Variants in NKAIN2 observed in about 807,000 individuals in gnomAD.
NKAIN2 encodes the protein sodium/potassium-transporting ATPase subunit beta-1-interacting protein 2.
Under a neutral mutation model 32.6 loss-of-function variants are expected in NKAIN2, and 14 were observed. The observed-to-expected ratio is 0.43, with a 90% confidence interval of 0.28 to 0.67. The LOEUF is 0.67. Ranked by LOEUF, NKAIN2 falls within the 30% of genes least tolerant of loss-of-function variation. The probability of loss-of-function intolerance (pLI) is 0.17; values close to 1 mark genes in which losing one functional copy is unlikely to be tolerated. For synonymous variants in NKAIN2, 80 were observed against 87.2 expected, an observed-to-expected ratio of 0.92 and a Z score of 0.46; for missense variants, 198 against 258.3, an observed-to-expected ratio of 0.77 and a Z score of 1.60.
intron 1 of NKAIN2, among the ~76,000 whole-genome samples, chr6:123,902,107 G>A (rs1318820862): frequency 6.6e-6 from 1 of 152,130 alleles, no homozygotes; most frequent in Non-Finnish European, 1.5e-5. Flanking sequence ...TTTAAATATT[G>A]AAGGGCATAA....
chr6:124,441,716 A>G (rs1207836485), intron 3 of NKAIN2, among the ~76,000 whole-genome samples: 1 of 152,076 alleles, frequency 6.6e-6, no homozygotes, highest in Non-Finnish European at 1.5e-5. Flanking sequence ...AGTGTTGCTG[A>G]TTTATGAGCA....
At chr6:124,613,574 C>T (rs1193153966) in intron 3 of NKAIN2, among the ~76,000 whole-genome samples, 3 of 152,036 alleles carry the variant, frequency 2.0e-5, no homozygotes, top group Admixed American at 6.6e-5. Flanking sequence ...TCTCATATGC[C>T]ATTTAGAACA....
At chr6:124,006,369 G>A (rs1780074340) in intron 1 of NKAIN2, among the ~76,000 whole-genome samples, 1 of 152,164 alleles carries the variant, frequency 6.6e-6, no homozygotes, top group Non-Finnish European at 1.5e-5. Flanking sequence ...AAAAAAGCTG[G>A]TATGCCAAAT....
At chr6:124,385,229 A>G (rs944724244) in intron 3 of NKAIN2, among the ~76,000 whole-genome samples, 7 of 152,162 alleles carry the variant, frequency 4.6e-5, no homozygotes, top group African/African-American at 7.2e-5. Flanking sequence ...TTAAAGGCCA[A>G]TTGGAGGGCA....
At chr6:124,402,741 A>G (rs1199622385) in intron 3 of NKAIN2, among the ~76,000 whole-genome samples, 1 of 152,164 alleles carries the variant, frequency 6.6e-6, no homozygotes, top group Non-Finnish European at 1.5e-5. Context: ...TATAAGTGGG[A>G]GCTAAATATT....
intron 2 of NKAIN2, among the ~76,000 whole-genome samples, chr6:124,287,347 A>G (rs1479459594): frequency 6.6e-6 from 1 of 152,192 alleles, no homozygotes; most frequent in Non-Finnish European, 1.5e-5. Flanking sequence ...CCTCCCACAC[A>G]AAAAAGTATG....
chr6:123,868,164 A>G lies in NKAIN2; in HGVS notation c.54+63910A>G, dbSNP rs1032457278. The stretch of plus-strand genomic sequence containing the variant: ...ATTACAGGCGTGAGCCACTGTGCCC[A>G]GCCTGTACTGGGTTCTAATTGTGGA... On this transcript the variant is annotated intron_variant, in intron 1 of 6. Transcript: ENST00000368417. Among the ~76,000 whole-genome samples, 15 of 152,204 alleles carry G rather than the reference A, an allele frequency of 9.9e-5. No individual in the cohort carries two copies. In the South Asian group the frequency reaches 1.0e-3, roughly 11 times the overall value.
At chr6:123,927,753 A>G (rs934948920) in intron 1 of NKAIN2, among the ~76,000 whole-genome samples, 1 of 152,192 alleles carries the variant, frequency 6.6e-6, no homozygotes, top group Admixed American at 6.5e-5. Context: ...CACATGGCAA[A>G]CATGTGTCTT....
At chr6:123,829,244 C>T (rs1404315137) in intron 1 of NKAIN2, 3 of 152,020 alleles carry the variant, frequency 2.0e-5, no homozygotes, top group African/African-American at 7.2e-5. Context: ...TTATTATCAC[C>T]GTTACTCAGA....
At chr6:124,184,992 A>G (rs72978579) in intron 1 of NKAIN2, among the ~76,000 whole-genome samples, 14 of 152,306 alleles carry the variant, frequency 9.2e-5, no homozygotes, top group Non-Finnish European at 1.6e-4. Flanking sequence ...TTTTCTTCAT[A>G]TTCAAATTTA....
At chr6:124,014,393 T>C (rs1780473562) in intron 1 of NKAIN2, among the ~76,000 whole-genome samples, 1 of 152,116 alleles carries the variant, frequency 6.6e-6, no homozygotes, top group African/African-American at 2.4e-5. Context: ...AGCATCTTTC[T>C]ATGTCAATAT....
At chr6:124,287,107 C>T (rs990023375) in intron 2 of NKAIN2, among the ~76,000 whole-genome samples, 3 of 152,098 alleles carry the variant, frequency 2.0e-5, no homozygotes, top group African/African-American at 7.2e-5. Context: ...CCTTTTGATA[C>T]TTAGTATGTC....
intron 1 of NKAIN2, among the ~76,000 whole-genome samples, chr6:124,174,743 G>C (rs1374267034): frequency 6.6e-6 from 1 of 152,162 alleles, no homozygotes; most frequent in African/African-American, 2.4e-5. Context: ...CCAGAATGTA[G>C]TCATATGACC....
Position 124,607,953 on chromosome 6 carries a change from G to C in NKAIN2, c.274-50233G>C, listed in dbSNP as rs146793326. Reference sequence around the variant, plus strand: ...ATGTAAGTGTTCTGAGCATGTTTAAGGTAGGCTACGCTAAGCTATGATGTT... The same window carrying C: ...ATGTAAGTGTTCTGAGCATGTTTAACGTAGGCTACGCTAAGCTATGATGTT... On this transcript the variant is annotated intron_variant, in intron 3 of 6. Coordinates refer to ENST00000368417, the MANE Select transcript of NKAIN2 (RefSeq NM_001040214.3). 2.5e-3 allele frequency among the ~76,000 whole-genome samples: 387 copies of C among 152,164 alleles called. 1 individual carries two copies. The highest frequency in any genetic ancestry group is 8.8e-3 in the African/African-American group (366 of 41,514).
intron 3 of NKAIN2, among the ~76,000 whole-genome samples, chr6:124,558,166 GT>G (rs1373716080): frequency 1.3e-5 from 2 of 152,176 alleles, no homozygotes; most frequent in African/African-American, 4.8e-5. Context: ...AGGTGATGAA[GT>G]TATTTTAAAA....
intron 3 of NKAIN2, among the ~76,000 whole-genome samples, chr6:124,437,217 T>C (rs1775485136): frequency 6.6e-6 from 1 of 152,210 alleles, no homozygotes; most frequent in East Asian, 1.9e-4. Flanking sequence ...TTAAGATGAC[T>C]TACCCTAGAA....
intron 4 of NKAIN2, among the ~76,000 whole-genome samples, chr6:124,738,522 C>T (rs1016354880): frequency 2.0e-5 from 3 of 151,744 alleles, no homozygotes; most frequent in African/African-American, 7.3e-5. Context: ...TATTGCTATG[C>T]TATTTAACAA....
chr6:124,066,257 C>A (rs1406896176), intron 1 of NKAIN2, among the ~76,000 whole-genome samples: 1 of 152,032 alleles, frequency 6.6e-6, no homozygotes, highest in Non-Finnish European at 1.5e-5. Context: ...TTTCTTTTTC[C>A]AAATTATAGA....
rs559640860 is a variant in NKAIN2 at position 124,083,896 on chromosome 6, A to T, written c.55-199109A>T. ...GAATTGCAAATTCCAGCATGGATAG[A>T]TCCCAGGATGAAAAGCAGGAAACTA... On this transcript the variant is annotated intron_variant, in intron 1 of 6. Transcript: ENST00000368417. Among the ~76,000 whole-genome samples, 3 of 152,140 alleles carry T rather than the reference A, an allele frequency of 2.0e-5. No homozygotes were observed. In the East Asian group the frequency reaches 5.8e-4, roughly 29 times the overall value.
Sources: gnomAD v4.1 joint callset for allele counts (sites outside exome capture counted in the v4.1 genomes callset) on GRCh38, gnomAD v4.1.1 for gene constraint, MANE v1.5 for transcripts, NCBI Gene and HGNC (gene_info 2026-07-23, HGNC 2026-07-21) for gene names.